Variants in SPRR2G observed in about 807,000 individuals in gnomAD.
SPRR2G encodes small proline-rich protein 2G.
A neutral mutation model predicts 0.7 loss-of-function variants in SPRR2G; 1 was observed. That is an observed-to-expected ratio of 1.49 (90% CI 0.53 to 7.06). The LOEUF is 7.06. Among genes scored for constraint, SPRR2G ranks in the 30% most tolerant of loss-of-function variants. The pLI is 0.14. For missense variants in SPRR2G, 96 were observed against 88.5 expected (o/e 1.09, Z -0.34); for synonymous variants, 38 against 33.9 (o/e 1.12, Z -0.42).
At chr1:153,202,872 C>T in the SPRR2G span, among the ~76,000 whole-genome samples, 2 of 152,154 alleles carry the variant, frequency 1.3e-5, no homozygotes, top group Non-Finnish European at 2.9e-5. Context: ...CCACTCCTAA[C>T]ACACCCCCAT....
the SPRR2G span, among the ~76,000 whole-genome samples, chr1:153,175,426 T>C: frequency 6.6e-6 from 1 of 152,214 alleles, no homozygotes; most frequent in Non-Finnish European, 1.5e-5. Flanking sequence ...CTCCTCTCCC[T>C]GGGTTTGGCT....
chr1:153,166,626 G>A, the SPRR2G span, among the ~76,000 whole-genome samples: 28 of 152,314 alleles, frequency 1.8e-4, no homozygotes, highest in African/African-American at 6.5e-4. Flanking sequence ...CCAGGTAGAA[G>A]CAACACATTT....
At chr1:153,169,419 A>G in the SPRR2G span, among the ~76,000 whole-genome samples, 1 of 152,124 alleles carries the variant, frequency 6.6e-6, no homozygotes, top group Non-Finnish European at 1.5e-5. Flanking sequence ...CAAAAAAATT[A>G]GTTGGGCATG....
upstream of SPRR2G, among the ~76,000 whole-genome samples, chr1:153,155,447 TC>T (rs981169374): frequency 1.1e-4 from 17 of 152,312 alleles, no homozygotes; most frequent in African/African-American, 4.1e-4. Context: ...TCCATCTCTC[TC>T]CTTCTATGCT....
At chr1:153,153,344 C>T (rs945541253), upstream of SPRR2G, among the ~76,000 whole-genome samples, 1 of 152,068 alleles carries the variant, frequency 6.6e-6, no homozygotes, top group African/African-American at 2.4e-5. Context: ...TGTATAAACA[C>T]AATGATTGAG....
At chr1:153,180,164 A>G in the SPRR2G span, among the ~76,000 whole-genome samples, 1 of 152,212 alleles carries the variant, frequency 6.6e-6, no homozygotes, top group South Asian at 2.1e-4. Flanking sequence ...ATAAAGCTTC[A>G]TAAGCTAAAC....
At chr1:153,201,705 G>A in the SPRR2G span, among the ~76,000 whole-genome samples, 2 of 152,206 alleles carry the variant, frequency 1.3e-5, no homozygotes, top group African/African-American at 2.4e-5. Context: ...TTCATTTGAG[G>A]TTTAATTGAA....
chr1:153,164,329 T>G, the SPRR2G span, among the ~76,000 whole-genome samples: 1 of 152,064 alleles, frequency 6.6e-6, no homozygotes, highest in Non-Finnish European at 1.5e-5. Context: ...ACAAGAAAGG[T>G]GAAAAGTGGG....
chr1:153,163,627 T>C, the SPRR2G span, among the ~76,000 whole-genome samples: 1 of 152,266 alleles, frequency 6.6e-6, no homozygotes, highest in South Asian at 2.1e-4. Context: ...CTCTCAATCC[T>C]CTTAACCTTG....
the SPRR2G span, among the ~76,000 whole-genome samples, chr1:153,173,890 G>A: frequency 6.6e-6 from 1 of 152,250 alleles, no homozygotes; most frequent in East Asian, 1.9e-4. Flanking sequence ...GGACTCCTCG[G>A]GAAATTTTAC....
At chr1:153,188,707 G>T in the SPRR2G span, among the ~76,000 whole-genome samples, 3 of 152,076 alleles carry the variant, frequency 2.0e-5, no homozygotes, top group Admixed American at 6.5e-5. Context: ...GGGGCACCAG[G>T]CACCACTGGT....
chr1:153,164,183 C>A, the SPRR2G span, among the ~76,000 whole-genome samples: 1 of 152,092 alleles, frequency 6.6e-6, no homozygotes, highest in Non-Finnish European at 1.5e-5. Context: ...ACTTAATGGA[C>A]AAAATCATTC....
In SPRR2G at chr1:153,149,741, A is replaced by G; in HGVS notation, c.*148T>C. 1 of 1,008,856 alleles carries G rather than the reference A, an allele frequency of 9.9e-7. No homozygotes were observed. The highest frequency in any genetic ancestry group is 1.5e-6 in the Non-Finnish European group (1 of 676,138). 62.5% of individuals were successfully genotyped at this position (1,008,856 alleles called of 1,614,324 possible). ...CAACAACATATCGGTTTTCAGAACT[A>G]AGCCTTTTCTCTGTCAACGCTCAAG... On this transcript the variant is annotated 3_prime_UTR_variant, in exon 2 of 2. Coordinates refer to ENST00000368748, the MANE Select transcript of SPRR2G (RefSeq NM_001014291.4).
the SPRR2G span, among the ~76,000 whole-genome samples, chr1:153,171,692 A>G: frequency 1.6e-4 from 25 of 152,242 alleles, no homozygotes; most frequent in African/African-American, 5.8e-4. Context: ...CCACCTCTCA[A>G]CTTCACAGCT....
the SPRR2G span, among the ~76,000 whole-genome samples, chr1:153,194,252 G>A: frequency 6.6e-6 from 1 of 152,050 alleles, no homozygotes; most frequent in African/African-American, 2.4e-5. Flanking sequence ...GTCAATAATA[G>A]GAGAAAAGAC....
At chr1:153,167,250 G>A in the SPRR2G span, among the ~76,000 whole-genome samples, 819 of 152,238 alleles carry the variant, frequency 5.4e-3, 12 homozygotes, top group Middle Eastern at 0.02. Flanking sequence ...CAAGGCAGGC[G>A]GATCACCTGA....
At chr1:153,160,824 A>G in the SPRR2G span, among the ~76,000 whole-genome samples, 1 of 150,994 alleles carries the variant, frequency 6.6e-6, no homozygotes, top group Non-Finnish European at 1.5e-5. Context: ...CACAATAGCA[A>G]AGGCTTGGAA....
chr1:153,192,959 A>G, the SPRR2G span, among the ~76,000 whole-genome samples: 1 of 152,200 alleles, frequency 6.6e-6, no homozygotes, highest in African/African-American at 2.4e-5. Flanking sequence ...TGCCTTGGCA[A>G]GGAGCACAAG....
chr1:153,195,500 T>C, the SPRR2G span, among the ~76,000 whole-genome samples: 1 of 152,328 alleles, frequency 6.6e-6, no homozygotes, highest in South Asian at 2.1e-4. Flanking sequence ...CTGCCACTGC[T>C]GGCTCAAGAA....
Sources: allele counts gnomAD v4.1 joint callset (sites outside exome capture counted in the v4.1 genomes callset), GRCh38; gene constraint gnomAD v4.1.1; transcripts MANE v1.5; gene names NCBI Gene and HGNC (gene_info 2026-07-23, HGNC 2026-07-21).